Variants in PCDHA4 observed in about 807,000 individuals in gnomAD.
PCDHA4 encodes protocadherin alpha-4.
PCDHA4 carries 49 observed loss-of-function variants against 61.4 expected under a neutral mutation model. The observed-to-expected ratio is 0.80, with a 90% CI of 0.63 to 1.01. PCDHA4 has a LOEUF of 1.01. Ranked by LOEUF, PCDHA4 falls within the 50% of genes least tolerant of loss-of-function variation. The pLI, the probability that PCDHA4 is intolerant of heterozygous loss-of-function variation, is 0.00. For synonymous variants in PCDHA4, 590 were observed against 550.3 expected (o/e 1.07, Z -1.01); for missense variants, 1,254 against 1,235.8 (o/e 1.01, Z -0.22).
intron 1 of PCDHA4, among the ~76,000 whole-genome samples, chr5:140,943,906 C>T (rs963288804): frequency 2.0e-5 from 3 of 152,156 alleles, no homozygotes; most frequent in African/African-American, 7.2e-5. Context: ...ATGTCATGAG[C>T]ACTTTAGCAT....
At chr5:140,908,073 G>A (rs2153503880) in intron 1 of PCDHA4, among the ~76,000 whole-genome samples, 1 of 152,322 alleles carries the variant, frequency 6.6e-6, no homozygotes, top group Admixed American at 6.5e-5. Context: ...CATGAAAAGT[G>A]CACAACCAGG....
chr5:140,843,751 T>A (rs2150366147), intron 1 of PCDHA4: 1 of 1,519,852 alleles, frequency 6.6e-7, no homozygotes, highest in Non-Finnish European at 9.0e-7. Context: ...ATAAATTCTA[T>A]TTGTGGAAAT....
rs1319911388 is a variant in PCDHA4, at chr5:140,842,060, T to C, written c.2385+32488T>C. 10 of 1,613,880 alleles carry C rather than the reference T, an allele frequency of 6.2e-6. No homozygotes were observed. The East Asian group carries it at 8.9e-5, about 14-fold the overall frequency. Reference sequence around the variant, plus strand: ...TGCTCCCACTTTCGAACAGTCTGAATACGAAGTAAGAATATTCGAAAACGC... The same window carrying C: ...TGCTCCCACTTTCGAACAGTCTGAACACGAAGTAAGAATATTCGAAAACGC... On this transcript the variant is annotated intron_variant, in intron 1 of 3. Transcript: ENST00000530339.
chr5:140,884,731 C>T (rs2060333216), intron 1 of PCDHA4: 2 of 1,449,296 alleles, frequency 1.4e-6, no homozygotes, highest in East Asian at 4.9e-5. Flanking sequence ...TTGTTTAAGA[C>T]ATCTTTCCTG....
chr5:140,830,286 G>A (rs1434180043), intron 1 of PCDHA4: 3 of 1,613,856 alleles, frequency 1.9e-6, no homozygotes, highest in Admixed American at 1.7e-5. Context: ...GAGGGCGCGT[G>A]CACGGCGGAC....
At chr5:140,882,899 T>C (rs956861597) in intron 1 of PCDHA4, 1 of 1,614,228 alleles carries the variant, frequency 6.2e-7, no homozygotes. Context: ...ACATAGTTTA[T>C]TACTGACAGC....
At chr5:140,864,459 C>CT (rs1474178285) in intron 1 of PCDHA4, 1 of 152,180 alleles carries the variant, frequency 6.6e-6, no homozygotes, top group Non-Finnish European at 1.5e-5. Context: ...CAATATCCAT[C>CT]TTTTTTGAGA....
intron 1 of PCDHA4, among the ~76,000 whole-genome samples, chr5:140,947,310 A>G (rs1554218156): frequency 6.6e-6 from 1 of 151,620 alleles, no homozygotes; most frequent in Admixed American, 6.6e-5. Flanking sequence ...ATCTTTGTAA[A>G]AAGTCGGTTG....
Position 140,849,995 on chromosome 5 carries a change from C to T in PCDHA4, c.2385+40423C>T, listed in dbSNP as rs2150462177. The T allele has an allele frequency of 2.5e-6, 4 of 1,597,088 alleles. 1 individual carries two copies. The highest frequency in any genetic ancestry group is 1.7e-6 in the Non-Finnish European group (2 of 1,167,812). ...ACTCGCTGGTGGAGCGGCGGTTGGG[C>T]GAGCGCTCGCTGTCGAGCTACGTGT... On this transcript the variant is annotated intron_variant, in intron 1 of 3. Transcript: ENST00000530339.
intron 1 of PCDHA4, among the ~76,000 whole-genome samples, chr5:140,818,704 G>A (rs2150102115): frequency 9.9e-5 from 15 of 152,278 alleles, no homozygotes; most frequent in African/African-American, 2.6e-4. Flanking sequence ...TAGATGTGGT[G>A]GTGCACACCT....
At chr5:140,868,930 G>A (rs966807738) in intron 1 of PCDHA4, 6 of 1,085,506 alleles carry the variant, frequency 5.5e-6, no homozygotes, top group East Asian at 5.1e-5. Context: ...TTCATTTAAA[G>A]GTTGGTCTGA....
chr5:140,994,017 T>C (rs2153920554), intron 3 of PCDHA4, among the ~76,000 whole-genome samples: 1 of 152,336 alleles, frequency 6.6e-6, no homozygotes, highest in South Asian at 2.1e-4. Flanking sequence ...TTCTAGGTGA[T>C]GCAGATATAA....
chr5:140,886,847 AG>A lies in PCDHA4; in HGVS notation c.2385+77276del, dbSNP rs1299329603. ...GTCTTGAAAAAAAAAAAAAAAAAAA[AG>A]AAAGGTCTTCCCAACTCCTATATTG... On this transcript the variant is annotated intron_variant, in intron 1 of 3. Transcript: ENST00000530339. Among the ~76,000 whole-genome samples the A allele has an allele frequency of 2.2e-3, 339 of 151,134 alleles. 4 individuals are homozygous for A. Among genetic ancestry groups the A allele is most frequent in the African/African-American group, 7.8e-3 (323 of 41,170 alleles).
rs1563185469 is a variant in PCDHA4 at position 140,941,211 on chromosome 5, CTTCCTTT to C, written c.2386-37737_2386-37731del. On this transcript the variant is annotated intron_variant, in intron 1 of 3. Coordinates refer to ENST00000530339, the MANE Select transcript of PCDHA4 (RefSeq NM_018907.4). The stretch of plus-strand genomic sequence containing the variant: ...TTTTTTTTTCTTTCTTCCTTTCTTT[CTTCCTTT>C]CTTTCTTTCTTTCTTTCTTTCTTTC... Among the ~76,000 whole-genome samples, 1,009 of 129,652 alleles carry C rather than the reference CTTCCTTT, an allele frequency of 7.8e-3. 14 individuals are homozygous for C. Among genetic ancestry groups the C allele is most frequent in the Middle Eastern group, 0.036 (9 of 248 alleles). 85.1% of individuals were successfully genotyped at this position (129,652 alleles called of 152,430 possible).
At chr5:140,922,858 G>C (rs1363202579) in intron 1 of PCDHA4, among the ~76,000 whole-genome samples, 1 of 152,124 alleles carries the variant, frequency 6.6e-6, no homozygotes, top group Non-Finnish European at 1.5e-5. Flanking sequence ...CAAATACATA[G>C]ACAAGGGGAA....
intron 1 of PCDHA4, among the ~76,000 whole-genome samples, chr5:140,913,256 T>C (rs1162098506): frequency 6.6e-6 from 1 of 152,208 alleles, no homozygotes; most frequent in East Asian, 1.9e-4. Context: ...ACAACTTTGA[T>C]CTAATTACTT....
At chr5:140,943,547 C>T (rs1376489824) in intron 1 of PCDHA4, among the ~76,000 whole-genome samples, 20 of 152,104 alleles carry the variant, frequency 1.3e-4, no homozygotes, top group African/African-American at 4.6e-4. Context: ...TGTAAATAGA[C>T]GTAGACAATA....
chr5:140,881,959 C>G (rs1012115110), intron 1 of PCDHA4: 146 of 352,464 alleles, frequency 4.1e-4, no homozygotes, highest in Non-Finnish European at 1.3e-4. Context: ...AACATTTAAT[C>G]TTCAATTACA....
At chr5:140,847,326 T>C (rs1171959432) in intron 1 of PCDHA4, 3 of 149,816 alleles carry the variant, frequency 2.0e-5, no homozygotes, top group African/African-American at 7.3e-5. Flanking sequence ...GAAGCAATTG[T>C]TAAATGCACC....
Sources: gnomAD v4.1 joint callset for allele counts (sites outside exome capture counted in the v4.1 genomes callset) on GRCh38, gnomAD v4.1.1 for gene constraint, MANE v1.5 for transcripts, NCBI Gene and HGNC (gene_info 2026-07-23, HGNC 2026-07-21) for gene names.